DLG2: variants seen among roughly 807,000 people sequenced by gnomAD.
The protein encoded by DLG2 is discs large MAGUK scaffold protein 2.
In DLG2, 45 loss-of-function variants were observed where a neutral mutation model predicts 132.5. The observed-to-expected ratio is 0.34, with a 90% CI of 0.27 to 0.44. The LOEUF is 0.44. Ranked by LOEUF, DLG2 falls within the 20% of genes least tolerant of loss-of-function variation. The pLI is 1.00. For synonymous variants in DLG2, 424 were observed against 419.6 expected (o/e 1.01, Z -0.13); for missense variants, 1,045 against 1,196.9 (o/e 0.87, Z 1.87).
At chr11:84,170,909 A>G (rs2095804694) in intron 8 of DLG2, among the ~76,000 whole-genome samples, 1 of 152,130 alleles carries the variant, frequency 6.6e-6, no homozygotes, top group Non-Finnish European at 1.5e-5. Context: ...TTTATTCTAA[A>G]GATCCTAACT....
chr11:83,856,546 C>T (rs2154039391), intron 16 of DLG2, among the ~76,000 whole-genome samples: 2 of 152,214 alleles, frequency 1.3e-5, no homozygotes, highest in Admixed American at 1.3e-4. Flanking sequence ...GAGATGGTAT[C>T]TCATTGTGGT....
At chr11:84,963,147 C>T (rs2052826737) in intron 6 of DLG2, among the ~76,000 whole-genome samples, 1 of 152,148 alleles carries the variant, frequency 6.6e-6, no homozygotes, top group Non-Finnish European at 1.5e-5. Context: ...TTCAGGATCT[C>T]ATAAAATACA....
At chr11:84,334,254 A>G (rs2098473927) in intron 7 of DLG2, among the ~76,000 whole-genome samples, 1 of 152,214 alleles carries the variant, frequency 6.6e-6, no homozygotes, top group African/African-American at 2.4e-5. Flanking sequence ...TTTGAGTTTT[A>G]TGAAACTAAT....
chr11:85,620,278 C>T (rs2081608403), intron 2 of DLG2, among the ~76,000 whole-genome samples: 1 of 152,174 alleles, frequency 6.6e-6, no homozygotes, highest in African/African-American at 2.4e-5. Flanking sequence ...TTATCTGACT[C>T]CTCTACCAAC....
intron 4 of DLG2, among the ~76,000 whole-genome samples, chr11:85,273,845 G>A (rs1404723143): frequency 6.6e-6 from 1 of 152,128 alleles, no homozygotes; most frequent in African/African-American, 2.4e-5. Context: ...TCAAAGACTT[G>A]GAACCAACCC....
rs1461029926 is a variant in DLG2 at position 84,122,388 on chromosome 11, A to G, written c.625-23341T>C. The stretch of plus-strand genomic sequence containing the variant: ...TAAGCTCTCAGTGCTTTCAGAGAAC[A>G]CCTGGGGAGAGGACATGTCAATGTC... On this transcript the variant is annotated intron_variant, in intron 9 of 27. Coordinates refer to ENST00000376104, the MANE Select transcript of DLG2 (RefSeq NM_001142699.3). Among the ~76,000 whole-genome samples the G allele has an allele frequency of 3.9e-5, 6 of 152,322 alleles. No homozygotes were observed. The East Asian group carries it at 9.6e-4, about 24-fold the overall frequency.
At chr11:85,567,462 T>G (rs2077591124) in intron 3 of DLG2, among the ~76,000 whole-genome samples, 2 of 152,210 alleles carry the variant, frequency 1.3e-5, no homozygotes, top group African/African-American at 2.4e-5. Flanking sequence ...GATGTAAAAC[T>G]AGCTTTTGTG....
chr11:84,922,832 C>G (rs532371555), intron 6 of DLG2, among the ~76,000 whole-genome samples: 1 of 148,704 alleles, frequency 6.7e-6, no homozygotes, highest in Non-Finnish European at 1.5e-5. Flanking sequence ...CTCTCCACCC[C>G]CCAACTATGA....
chr11:84,486,086 A>T (rs894104686), intron 7 of DLG2, among the ~76,000 whole-genome samples: 2 of 152,232 alleles, frequency 1.3e-5, no homozygotes, highest in East Asian at 3.9e-4. Flanking sequence ...GGTCAGAACT[A>T]ATTATATACC....
chr11:84,660,344 A>C (rs2099693198), intron 6 of DLG2, among the ~76,000 whole-genome samples: 1 of 152,108 alleles, frequency 6.6e-6, no homozygotes, highest in Non-Finnish European at 1.5e-5. Context: ...AGGATCCTGG[A>C]TTTGACATTG....
intron 3 of DLG2, among the ~76,000 whole-genome samples, chr11:85,468,091 T>C (rs551027699): frequency 1.3e-5 from 2 of 152,250 alleles, no homozygotes; most frequent in Non-Finnish European, 2.9e-5. Context: ...TTCTAGTTTA[T>C]TTGTGTAGAG....
intron 18 of DLG2, among the ~76,000 whole-genome samples, chr11:83,688,185 G>A (rs942757675): frequency 2.0e-5 from 3 of 152,054 alleles, no homozygotes; most frequent in African/African-American, 4.8e-5. Context: ...CCCACGCAAC[G>A]AATTTGTTTG....
At chr11:84,853,898 G>A (rs183556467) in intron 6 of DLG2, among the ~76,000 whole-genome samples, 3 of 152,124 alleles carry the variant, frequency 2.0e-5, no homozygotes, top group East Asian at 1.9e-4. Flanking sequence ...AATTTGATCC[G>A]AGTGGGAGTT....
intron 8 of DLG2, among the ~76,000 whole-genome samples, chr11:84,178,744 A>G (rs542940178): frequency 1.0e-3 from 155 of 149,308 alleles, no homozygotes; most frequent in Non-Finnish European, 2.0e-3. Flanking sequence ...AACAAAAAAG[A>G]AAAAAAAAAC....
At chr11:84,325,634 C>T (rs968464206) in intron 7 of DLG2, among the ~76,000 whole-genome samples, 2 of 152,070 alleles carry the variant, frequency 1.3e-5, no homozygotes, top group African/African-American at 4.8e-5. Flanking sequence ...TTTCAATGTG[C>T]TGTTAAATTT....
chr11:84,990,960 G>C (rs1490661858), intron 6 of DLG2, among the ~76,000 whole-genome samples: 1 of 152,020 alleles, frequency 6.6e-6, no homozygotes, highest in Non-Finnish European at 1.5e-5. Context: ...GCCAGAACTA[G>C]AAACAACCCA....
intron 11 of DLG2, among the ~76,000 whole-genome samples, chr11:83,983,368 C>T (rs2092968373): frequency 6.6e-6 from 1 of 151,966 alleles, no homozygotes; most frequent in Admixed American, 6.6e-5. Context: ...AGAAAAACCA[C>T]ACACCTAGTA....
intron 6 of DLG2, among the ~76,000 whole-genome samples, chr11:84,647,456 T>A (rs2099676370): frequency 6.6e-6 from 1 of 152,236 alleles, no homozygotes; most frequent in Non-Finnish European, 1.5e-5. Context: ...AGACTACGAT[T>A]ATCTAGGTAT....
intron 4 of DLG2, among the ~76,000 whole-genome samples, chr11:85,178,434 T>C (rs1296012126): frequency 2.0e-5 from 3 of 151,988 alleles, no homozygotes; most frequent in African/African-American, 4.8e-5. Context: ...TATAAATAAA[T>C]AGTTTTTAAA....
Sources: allele counts gnomAD v4.1 joint callset (sites outside exome capture counted in the v4.1 genomes callset), GRCh38; gene constraint gnomAD v4.1.1; transcripts MANE v1.5; gene names NCBI Gene and HGNC (gene_info 2026-07-23, HGNC 2026-07-21).